The following NUP214 variants were observed in gnomAD, a reference collection of about 807,000 sequenced individuals.
NUP214 encodes nucleoporin 214.
Under a neutral mutation model 196.2 loss-of-function variants are expected in NUP214, and 79 were observed. That is an observed-to-expected ratio of 0.40 (90% CI 0.34 to 0.49). The LOEUF is 0.49. Among genes scored for constraint, NUP214 ranks in the 20% least tolerant of loss-of-function variants. NUP214 has a pLI of 0.58. For missense variants in NUP214, 2,468 were observed against 2,539.0 expected (o/e 0.97, Z 0.60); for synonymous variants, 1,020 against 990.5 (o/e 1.03, Z -0.56).
intron 21 of NUP214, 120 bp downstream of exon 21, chr9:131,164,264 G>A (rs777818132): frequency 3.9e-6 from 3 of 776,114 alleles, no homozygotes; most frequent in Admixed American, 2.4e-5. Context: ...GTGTGTGTAA[G>A]TGTGTGTGTG....
At position 131,232,321 on chromosome 9, in the gene NUP214, C is replaced by T. The variant is rs1361976468; in HGVS notation, c.6239+13C>T. On this transcript the variant is annotated intron_variant, in intron 35 of 35. Transcript: ENST00000359428. This position sits in a 1 kb window ranked among gnomAD's most constrained non-coding sequence, Gnocchi z 5.1. ...GGTCAAATAACTCGTAAGTATCCCC[C>T]TTTTTGAGTCTCACCTTAATTAAAA... 3 of 1,611,924 alleles carry T rather than the reference C, an allele frequency of 1.9e-6. No homozygotes were observed. The South Asian group carries it at 3.3e-5, about 18-fold the overall frequency.
At chr9:131,138,956 A>G (rs971247337) in intron 9 of NUP214, among the ~76,000 whole-genome samples, 4 of 152,198 alleles carry the variant, frequency 2.6e-5, no homozygotes, top group East Asian at 1.9e-4. Context: ...ATGGTCAGCA[A>G]TCTCCCTAGT....
intron 23 of NUP214, 119 bp downstream of exon 23, chr9:131,175,740 T>C (rs1267657887): frequency 5.9e-6 from 8 of 1,367,200 alleles, no homozygotes; most frequent in African/African-American, 1.5e-5. Flanking sequence ...GAAGAGAAGA[T>C]TGATGTGACA....
intron 28 of NUP214, 47 bp from the exon 29 acceptor site, chr9:131,197,169 A>G (rs1833810607): frequency 6.3e-7 from 1 of 1,593,284 alleles, no homozygotes; most frequent in East Asian, 2.2e-5. Context: ...GTAATGGGTC[A>G]TCTTTTGCTA....
In NUP214 at chr9:131,232,552, C is replaced by T. The variant is rs577690370; in HGVS notation, c.6239+244C>T. ...GGCGTGGTTCAAAGAGAAAAGAGCA[C>T]GCCTGCCAGTGAGCTGGGCCTGAGG... On this transcript the variant is annotated intron_variant, in intron 35 of 35. Transcript: ENST00000359428. The surrounding 1 kb of genome is among the most constrained non-coding windows in gnomAD (Gnocchi z 5.1). 1,273 of 582,150 alleles carry T rather than the reference C, an allele frequency of 2.2e-3. 2 individuals carry two copies. Among genetic ancestry groups the T allele is most frequent in the Non-Finnish European group, 3.1e-3 (1,022 of 325,574 alleles). The allele number at this position is 582,150 out of a possible 1,614,324, so 36.1% of individuals were successfully genotyped here.
chr9:131,192,509 G>A (rs1396208471), intron 27 of NUP214: 4 of 376,162 alleles, frequency 1.1e-5, no homozygotes, highest in Non-Finnish European at 1.9e-5. Flanking sequence ...TTACATATTT[G>A]TGTATCTGTT....
intron 4 of NUP214, among the ~76,000 whole-genome samples, 197 bp downstream of exon 4, chr9:131,129,674 AG>A: frequency 6.6e-6 from 1 of 152,054 alleles, no homozygotes; most frequent in African/African-American, 2.4e-5. Context: ...GCATCATCTC[AG>A]CCACTGCAAC....
chr9:131,181,027 A>G (rs1833263879), intron 24 of NUP214, among the ~76,000 whole-genome samples: 2 of 152,188 alleles, frequency 1.3e-5, no homozygotes, highest in Non-Finnish European at 2.9e-5. Flanking sequence ...AGATGGTGAT[A>G]TGGTGTGATG....
chr9:131,171,363 ATTAT>A (rs1274372474), intron 21 of NUP214, among the ~76,000 whole-genome samples: 1 of 152,142 alleles, frequency 6.6e-6, no homozygotes, highest in East Asian at 1.9e-4. Flanking sequence ...AGGTGATGTG[ATTAT>A]TTGAGTCATC....
intron 32 of NUP214, among the ~76,000 whole-genome samples, chr9:131,223,709 A>ATTTATTTATT (rs1834628931): frequency 3.1e-5 from 1 of 32,336 alleles, no homozygotes; most frequent in Non-Finnish European, 6.4e-5. Context: ...CTTTTTTTTT[A>ATTTATTTATT]TTTTTATTTA....
intron 30 of NUP214, among the ~76,000 whole-genome samples, chr9:131,212,415 CATA>C (rs1204756391): frequency 1.3e-5 from 2 of 152,128 alleles, no homozygotes; most frequent in Non-Finnish European, 2.9e-5. Context: ...TTTTGAAATC[CATA>C]ATAACTTACT....
At chr9:131,151,599 T>G in intron 16 of NUP214, 137 bp from the exon 17 acceptor site, 1 of 595,330 alleles carries the variant, frequency 1.7e-6, no homozygotes, top group East Asian at 2.9e-5. Context: ...GTTAAATTCT[T>G]TTTTTACCTG....
intron 31 of NUP214, among the ~76,000 whole-genome samples, chr9:131,216,090 A>G (rs2131081875): frequency 6.6e-6 from 1 of 151,116 alleles, no homozygotes; most frequent in South Asian, 2.1e-4. Context: ...TTTAGTAGAG[A>G]CAGGGTTTCA....
chr9:131,214,535 A>G (rs1268267640), intron 30 of NUP214, among the ~76,000 whole-genome samples: 1 of 152,168 alleles, frequency 6.6e-6, no homozygotes, highest in Non-Finnish European at 1.5e-5. Context: ...TGGCCCCTCA[A>G]ATGTAGCCCA....
chr9:131,128,538 G>C (rs1413733656), intron 3 of NUP214, 55 bp downstream of exon 3: 11 of 1,462,452 alleles, frequency 7.5e-6, no homozygotes, highest in African/African-American at 1.4e-5. Context: ...AGATTTCCTT[G>C]TATTGAATTA....
At chr9:131,129,132 T>C (rs1588119899) in intron 3 of NUP214, 147 bp from the exon 4 acceptor site, 1 of 678,916 alleles carries the variant, frequency 1.5e-6, no homozygotes, top group East Asian at 2.7e-5. Context: ...AATAGATTGA[T>C]GCATAAAACA....
chr9:131,192,603 T>A (rs917373927), intron 27 of NUP214: 1 of 201,486 alleles, frequency 5.0e-6, no homozygotes, highest in African/African-American at 2.4e-5. Flanking sequence ...CACTGAGATG[T>A]TTCCATTCTG....
Position 131,146,164 on chromosome 9 carries a change from G to C in NUP214, c.1805G>C (p.Ser602Thr), listed in dbSNP as rs1429458529. The C allele has an allele frequency of 6.2e-7, 1 of 1,613,968 alleles. No individual in the cohort carries two copies. The highest frequency in any genetic ancestry group is 8.5e-7 in the Non-Finnish European group (1 of 1,180,040). The change falls in exon 13 of 36, where the codon AGC (serine) becomes ACC (threonine). Residue 602 changes from serine (S) to threonine (T), a missense_variant. Coordinates refer to ENST00000359428, the MANE Select transcript of NUP214 (RefSeq NM_005085.4). This position sits in a 1 kb window ranked among gnomAD's most constrained non-coding sequence, Gnocchi z 4.6. ...TAAATSTPVSSSQSAPPMSPF... is the reference protein window; with the variant it reads ...TAAATSTPVSTSQSAPPMSPF... ...GCAGCTACCTCTACTCCTGTTAGTA[G>C]CTCCCAGAGCGCACCCCCGATGTCG...
intron 30 of NUP214, among the ~76,000 whole-genome samples, chr9:131,210,072 C>T (rs192786631): frequency 6.6e-5 from 10 of 152,266 alleles, no homozygotes; most frequent in African/African-American, 2.4e-5. Context: ...TTTAATCAGA[C>T]GAAATGGGAG....
Sources: allele counts gnomAD v4.1 joint callset (sites outside exome capture counted in the v4.1 genomes callset), GRCh38; gene constraint gnomAD v4.1.1; non-coding constraint Gnocchi (gnomAD v3.1); transcripts MANE v1.5; gene names NCBI Gene and HGNC (gene_info 2026-07-23, HGNC 2026-07-21).